EPB41L5: variants seen among roughly 807,000 people sequenced by gnomAD.
The protein encoded by EPB41L5 is erythrocyte membrane protein band 4.1 like 5.
EPB41L5 carries 55 observed loss-of-function variants against 106.6 expected under a neutral mutation model. The ratio of observed to expected loss-of-function variants is 0.52; its 90% CI spans 0.42 to 0.65. EPB41L5 has a LOEUF of 0.65. Ranked by LOEUF, EPB41L5 falls within the 30% of genes least tolerant of loss-of-function variation. The pLI is 0.00. For missense variants in EPB41L5, 871 were observed against 882.1 expected, an observed-to-expected ratio of 0.99 and a Z score of 0.16; for synonymous variants, 297 against 306.7, an observed-to-expected ratio of 0.97 and a Z score of 0.33.
chr2:120,152,935 G>A (rs1330952766), intron 20 of EPB41L5, among the ~76,000 whole-genome samples: 1 of 152,100 alleles, frequency 6.6e-6, no homozygotes, highest in African/African-American at 2.4e-5. Context: ...TTTACTGAGA[G>A]GTTTCACCCT....
Position 120,178,953 on chromosome 2 carries a change from T to G in EPB41L5, c.*4046T>G, listed in dbSNP as rs1451855414. The G allele has an allele frequency of 6.6e-6, 1 of 152,262 alleles. No homozygotes were observed. The highest frequency in any genetic ancestry group is 1.5e-5 in the Non-Finnish European group (1 of 68,050). 9.4% of individuals were successfully genotyped at this position (152,262 alleles called of 1,614,324 possible). On this transcript the variant is annotated 3_prime_UTR_variant, in exon 25 of 25. Transcript: ENST00000263713. ...TTTACCTTTTATATGTGTAAAACTT[T>G]GCAGTAGCATTTAAAGTGTAATTTA...
At chr2:120,027,682 A>G (rs935804059) in intron 2 of EPB41L5, among the ~76,000 whole-genome samples, 2 of 152,146 alleles carry the variant, frequency 1.3e-5, no homozygotes, top group Non-Finnish European at 1.5e-5. Flanking sequence ...AGCTGGGACT[A>G]CAGGCACATG....
At chr2:120,077,649 T>TA (rs993533670) in intron 9 of EPB41L5, among the ~76,000 whole-genome samples, 2 of 152,212 alleles carry the variant, frequency 1.3e-5, no homozygotes, top group Non-Finnish European at 1.5e-5. Context: ...TTATACGACT[T>TA]ACACTGAGTA....
chr2:120,014,988 C>A (rs1488931439), intron 1 of EPB41L5, among the ~76,000 whole-genome samples: 1 of 147,658 alleles, frequency 6.8e-6, no homozygotes. Context: ...AAAAAAAACC[C>A]ACAACTTTTA....
chr2:120,090,123 C>G (rs1470642669), intron 11 of EPB41L5, among the ~76,000 whole-genome samples: 1 of 151,444 alleles, frequency 6.6e-6, no homozygotes, highest in African/African-American at 2.4e-5. Flanking sequence ...CAAATGAGAT[C>G]ATGTAAGTAG....
At chr2:120,029,953 G>A (rs770769915) in intron 2 of EPB41L5, among the ~76,000 whole-genome samples, 2 of 152,062 alleles carry the variant, frequency 1.3e-5, no homozygotes, top group African/African-American at 2.4e-5. Context: ...TCCAGTCTTC[G>A]TAGCCCACAC....
intron 3 of EPB41L5, among the ~76,000 whole-genome samples, chr2:120,055,762 G>T (rs1680609122): frequency 6.6e-6 from 1 of 151,968 alleles, no homozygotes. Flanking sequence ...ATTGTTCATT[G>T]TTAGCATATA....
At chr2:120,015,531 CTG>C (rs1677458322) in intron 1 of EPB41L5, among the ~76,000 whole-genome samples, 2 of 152,026 alleles carry the variant, frequency 1.3e-5, no homozygotes. Flanking sequence ...TTTAGCGTGT[CTG>C]TGTGTGTGCA....
intron 10 of EPB41L5, among the ~76,000 whole-genome samples, chr2:120,085,202 T>G (rs1682973663): frequency 6.6e-6 from 1 of 152,176 alleles, no homozygotes; most frequent in Non-Finnish European, 1.5e-5. Flanking sequence ...GGCGCTCTGA[T>G]TTTTAGAATT....
chr2:120,149,875 C>T (rs1291083346), intron 20 of EPB41L5, among the ~76,000 whole-genome samples: 2 of 147,566 alleles, frequency 1.4e-5, no homozygotes. Flanking sequence ...TTTACACTCT[C>T]ATGGTATTTC....
At chr2:120,070,334 A>C (rs4848570) in intron 3 of EPB41L5, among the ~76,000 whole-genome samples, 96,307 of 151,958 alleles carry the variant, frequency 0.63, 31,943 homozygotes, top group Middle Eastern at 0.74. Context: ...TTGAGGCAGT[A>C]ATTAATAGCC....
chr2:120,174,754 A>G (rs1042212012), intron 24 of EPB41L5, 87 bp from the exon 25 acceptor site: 2 of 1,126,118 alleles, frequency 1.8e-6, no homozygotes, highest in Non-Finnish European at 2.7e-6. Flanking sequence ...TACCCTCAAA[A>G]TGCTCTGTGT....
intron 16 of EPB41L5, chr2:120,105,948 G>C: frequency 2.0e-6 from 2 of 985,278 alleles, no homozygotes; most frequent in Non-Finnish European, 2.4e-6. Context: ...AAAAACCAAA[G>C]AGGCACAATG....
intron 11 of EPB41L5, 79 bp from the exon 12 acceptor site, chr2:120,090,268 A>G (rs1222888384): frequency 8.6e-7 from 1 of 1,165,058 alleles, no homozygotes; most frequent in South Asian, 1.7e-5. Context: ...TTATTCATGG[A>G]TGTGTTTGTA....
At chr2:120,138,171 GAAAA>G (rs796955138) in intron 18 of EPB41L5, among the ~76,000 whole-genome samples, 1 of 149,928 alleles carries the variant, frequency 6.7e-6, no homozygotes, top group Non-Finnish European at 1.5e-5. Context: ...TTGTGATTAA[GAAAA>G]AAAAACTAAA....
At chr2:120,079,995 T>C (rs1404869741) in intron 10 of EPB41L5, among the ~76,000 whole-genome samples, 1 of 152,208 alleles carries the variant, frequency 6.6e-6, no homozygotes, top group Non-Finnish European at 1.5e-5. Flanking sequence ...TTTGTTTGAA[T>C]GCTTAAATGC....
intron 14 of EPB41L5, among the ~76,000 whole-genome samples, chr2:120,093,895 C>A (rs1032661610): frequency 1.3e-5 from 2 of 151,990 alleles, no homozygotes; most frequent in Non-Finnish European, 2.9e-5. Flanking sequence ...TAGAATTCAC[C>A]ATTAAAGCCA....
At chr2:120,141,145 T>A (rs1686156527) in intron 18 of EPB41L5, among the ~76,000 whole-genome samples, 1 of 152,110 alleles carries the variant, frequency 6.6e-6, no homozygotes, top group Non-Finnish European at 1.5e-5. Context: ...CCTTATGTAC[T>A]GTTGGTTCAG....
chr2:120,171,824 T>A (rs1471365751), intron 24 of EPB41L5, among the ~76,000 whole-genome samples: 1 of 152,098 alleles, frequency 6.6e-6, no homozygotes, highest in Non-Finnish European at 1.5e-5. Context: ...AGCTAACGAT[T>A]GTCAGATATG....
Sources: gnomAD v4.1 joint callset for allele counts (sites outside exome capture counted in the v4.1 genomes callset) on GRCh38, gnomAD v4.1.1 for gene constraint, MANE v1.5 for transcripts, NCBI Gene and HGNC (gene_info 2026-07-23, HGNC 2026-07-21) for gene names.